REPS2: variants seen among roughly 807,000 people sequenced by gnomAD.
REPS2 encodes the protein RALBP1 associated Eps domain containing 2, also known as ralBP1-associated Eps domain-containing protein 2.
In REPS2, 23 loss-of-function variants were observed where a neutral mutation model predicts 53.6. The observed-to-expected ratio is 0.43, with a 90% CI of 0.31 to 0.61. The LOEUF (loss-of-function observed/expected upper bound fraction) is 0.61, where lower values mean the gene tolerates loss of function less well. Ranked by LOEUF, REPS2 falls within the 20% of genes least tolerant of loss-of-function variation. REPS2 has a pLI of 0.11. For missense variants in REPS2, 446 were observed against 534.9 expected, an observed-to-expected ratio of 0.83 and a Z score of 1.64; for synonymous variants, 238 against 218.6, an observed-to-expected ratio of 1.09 and a Z score of -0.78.
rs73454443 is a variant in REPS2 at position 17,006,454 on chromosome X, C to G, written c.397+110C>G. 2.1e-3 allele frequency: 1,563 copies of G among 751,788 alleles called. 14 individuals are homozygous for G. The African/African-American group carries it at 0.03, about 15-fold the overall frequency. 62.0% of individuals were successfully genotyped at this position (751,788 alleles called of 1,213,427 possible). ...TGGAATTTCTCCTTGCTTCCTCCAA[C>G]TCTTCTGCAAAATAAAATAAGAAAA... On this transcript the variant is annotated intron_variant, in intron 2 of 17. Coordinates refer to ENST00000357277, the MANE Select transcript of REPS2 (RefSeq NM_004726.3).
chrX:17,189,648 CCT>C, the REPS2 span, among the ~76,000 whole-genome samples: 600 of 104,543 alleles, frequency 5.7e-3, no homozygotes, highest in Middle Eastern at 0.019. Context: ...TCCTCTCTCT[CCT>C]CTCTCTCTCT....
intron 13 of REPS2, among the ~76,000 whole-genome samples, chrX:17,086,451 G>A (rs112706141): frequency 0.025 from 2,798 of 112,261 alleles, 92 homozygotes; most frequent in African/African-American, 0.087. Flanking sequence ...GTGTGTCAGT[G>A]AATGTTTAAC....
chrX:16,959,872 A>G (rs767174391), intron 1 of REPS2, among the ~76,000 whole-genome samples: 2 of 111,923 alleles, frequency 1.8e-5, no homozygotes, highest in East Asian at 2.8e-4. Flanking sequence ...CCAAGATACC[A>G]TAAGAGGAGA....
At chrX:17,174,344 C>A in the REPS2 span, among the ~76,000 whole-genome samples, 1 of 112,373 alleles carries the variant, frequency 8.9e-6, no homozygotes. Context: ...CAGCGATTCT[C>A]ACCTCTGGTT....
At chrX:16,966,451 G>T (rs1470321384) in intron 1 of REPS2, among the ~76,000 whole-genome samples, 2 of 111,960 alleles carry the variant, frequency 1.8e-5, no homozygotes, top group African/African-American at 6.5e-5. Context: ...AGATCTCTTG[G>T]GGATGGGACC....
intron 2 of REPS2, among the ~76,000 whole-genome samples, chrX:17,009,983 C>A (rs1274136471): frequency 9.0e-6 from 1 of 111,152 alleles, no homozygotes; most frequent in Non-Finnish European, 1.9e-5. Flanking sequence ...GGCCATATGT[C>A]CATTTTATCT....
chrX:17,084,762 TG>T (rs1333001451), intron 13 of REPS2, among the ~76,000 whole-genome samples: 2 of 112,561 alleles, frequency 1.8e-5, no homozygotes, highest in Non-Finnish European at 1.9e-5. Context: ...GATTTGTAAA[TG>T]TTCTTTATAT....
At chrX:17,003,522 C>T (rs2061330088) in intron 1 of REPS2, among the ~76,000 whole-genome samples, 1 of 110,862 alleles carries the variant, frequency 9.0e-6, no homozygotes, top group Admixed American at 9.6e-5. Flanking sequence ...TAAGAGGTCA[C>T]GGAGGGAATG....
chrX:16,986,894 G>T (rs1229481375), intron 1 of REPS2, among the ~76,000 whole-genome samples: 1 of 107,351 alleles, frequency 9.3e-6, no homozygotes, highest in African/African-American at 3.4e-5. Flanking sequence ...TTTGGAACTG[G>T]TTAGTACCCT....
chrX:16,974,828 A>G, intron 1 of REPS2, among the ~76,000 whole-genome samples: 1 of 110,735 alleles, frequency 9.0e-6, no homozygotes, highest in East Asian at 2.8e-4. Context: ...TACTAAACCT[A>G]GTATGCAGTA....
At chrX:16,977,887 T>G (rs993552410) in intron 1 of REPS2, among the ~76,000 whole-genome samples, 2 of 111,135 alleles carry the variant, frequency 1.8e-5, no homozygotes, top group Non-Finnish European at 3.8e-5. Flanking sequence ...CTGCTCCAGA[T>G]GGCATTGGTT....
the REPS2 span, among the ~76,000 whole-genome samples, chrX:17,190,999 A>G: frequency 8.9e-6 from 1 of 112,230 alleles, no homozygotes; most frequent in South Asian, 3.7e-4. Context: ...TATAAAAACC[A>G]GTAAGCTACA....
intron 13 of REPS2, among the ~76,000 whole-genome samples, chrX:17,093,682 C>T (rs1004788965): frequency 1.8e-5 from 2 of 111,494 alleles, no homozygotes; most frequent in South Asian, 7.5e-4. Flanking sequence ...TCTTTCTCCT[C>T]CACCCTTCCA....
intron 13 of REPS2, among the ~76,000 whole-genome samples, chrX:17,083,878 TG>T (rs1341971173): frequency 9.1e-6 from 1 of 109,816 alleles, no homozygotes; most frequent in East Asian, 2.8e-4. Context: ...TGTTTTGTTT[TG>T]TTTTTTTGTT....
At chrX:17,182,798 G>A in the REPS2 span, among the ~76,000 whole-genome samples, 1 of 111,804 alleles carries the variant, frequency 8.9e-6, no homozygotes, top group Non-Finnish European at 1.9e-5. Context: ...CACCTACTAC[G>A]TACCAGGAGC....
At chrX:17,192,784 G>A in the REPS2 span, among the ~76,000 whole-genome samples, 2 of 111,599 alleles carry the variant, frequency 1.8e-5, no homozygotes, top group East Asian at 5.6e-4. Flanking sequence ...TTTTCACTCA[G>A]TAATTATCTC....
At chrX:17,070,716 A>T (rs1289939339) in intron 11 of REPS2, among the ~76,000 whole-genome samples, 1 of 112,156 alleles carries the variant, frequency 8.9e-6, no homozygotes, top group Non-Finnish European at 1.9e-5. Context: ...TAAGTCAATC[A>T]TGTTTGTTGT....
chrX:17,020,077 G>GT (rs1441662364), intron 2 of REPS2, among the ~76,000 whole-genome samples: 1 of 111,799 alleles, frequency 8.9e-6, no homozygotes, highest in Non-Finnish European at 1.9e-5. Flanking sequence ...GAGAGAGGTG[G>GT]TTTTCTAGGC....
chrX:16,995,811 T>C (rs2061227900), intron 1 of REPS2, among the ~76,000 whole-genome samples: 1 of 112,003 alleles, frequency 8.9e-6, no homozygotes, highest in Admixed American at 9.5e-5. Flanking sequence ...AGAAGGGCCC[T>C]TCCACCCTGT....
Sources: allele counts gnomAD v4.1 joint callset (sites outside exome capture counted in the v4.1 genomes callset), GRCh38; gene constraint gnomAD v4.1.1; transcripts MANE v1.5; gene names NCBI Gene and HGNC (gene_info 2026-07-23, HGNC 2026-07-21).